The following CGNL1 variants were observed in gnomAD, a reference collection of about 807,000 sequenced individuals.
The protein encoded by CGNL1 is cingulin like 1, also known as cingulin-like protein 1.
A neutral mutation model predicts 141.2 loss-of-function variants in CGNL1; 132 were observed. The observed-to-expected ratio is 0.93, with a 90% CI of 0.81 to 1.08. The LOEUF is 1.08. Among genes scored for constraint, CGNL1 ranks in the 50% least tolerant of loss-of-function variants. The pLI, the probability that CGNL1 is intolerant of heterozygous loss-of-function variation, is 0.00. For missense variants in CGNL1, 1,870 were observed against 1,588.6 expected (o/e 1.18, Z -3.01); for synonymous variants, 690 against 622.1 (o/e 1.11, Z -1.63).
intron 1 of CGNL1, among the ~76,000 whole-genome samples, chr15:57,385,858 G>C (rs141261341): frequency 1.2e-4 from 18 of 152,352 alleles, no homozygotes; most frequent in African/African-American, 3.6e-4. Flanking sequence ...AATATCCTTT[G>C]ATTCAAAGGA....
chr15:57,508,064 G>T (rs2064127967), intron 8 of CGNL1, among the ~76,000 whole-genome samples: 1 of 152,114 alleles, frequency 6.6e-6, no homozygotes, highest in African/African-American at 2.4e-5. Flanking sequence ...TTTTGGCATT[G>T]GAATCAACTC....
intron 5 of CGNL1, 84 bp from the exon 6 acceptor site, chr15:57,452,057 A>G (rs1481007191): frequency 2.5e-6 from 3 of 1,197,200 alleles, no homozygotes; most frequent in Non-Finnish European, 2.3e-6. Context: ...AAAGATATGG[A>G]GTCTGCTTGT....
At chr15:57,489,232 C>A (rs552412331) in intron 8 of CGNL1, among the ~76,000 whole-genome samples, 1 of 152,270 alleles carries the variant, frequency 6.6e-6, no homozygotes, top group East Asian at 1.9e-4. Flanking sequence ...GAAAGAGATA[C>A]TCATTACATA....
chr15:57,453,677 T>C lies in CGNL1; in HGVS notation c.2055-6T>C. On this transcript the variant is annotated splice_region_variant and splice_polypyrimidine_tract_variant and intron_variant, in intron 6 of 18. Coordinates refer to ENST00000281282, the MANE Select transcript of CGNL1 (RefSeq NM_032866.5). ...AGCCTGTCTAATGGGCTTCCTTCCC[T>C]GCCAGGCTATTCCAGGTGAAGATGG... is the stretch of plus-strand genomic sequence containing the variant. 1 of 1,613,558 alleles carries C rather than the reference T, an allele frequency of 6.2e-7. No homozygotes were observed. The highest frequency in any genetic ancestry group is 8.5e-7 in the Non-Finnish European group (1 of 1,179,782).
chr15:57,544,932 G>C (rs1006387921), intron 16 of CGNL1, among the ~76,000 whole-genome samples: 1 of 152,172 alleles, frequency 6.6e-6, no homozygotes, highest in Non-Finnish European at 1.5e-5. Context: ...TACAGAGTTT[G>C]AGCCACGTTA....
intron 1 of CGNL1, among the ~76,000 whole-genome samples, chr15:57,405,781 TC>T (rs2062710584): frequency 3.1e-5 from 1 of 32,708 alleles, no homozygotes; most frequent in Admixed American, 4.0e-4. Flanking sequence ...TCTCTTTCTT[TC>T]TTTCTTTCTT....
At chr15:57,392,406 C>T (rs1470818305) in intron 1 of CGNL1, among the ~76,000 whole-genome samples, 2 of 152,102 alleles carry the variant, frequency 1.3e-5, no homozygotes, top group Non-Finnish European at 1.5e-5. Context: ...GTACCTGGCA[C>T]AGTGTCTTCT....
At chr15:57,401,488 G>C (rs187973445) in intron 1 of CGNL1, among the ~76,000 whole-genome samples, 2 of 152,150 alleles carry the variant, frequency 1.3e-5, no homozygotes, top group African/African-American at 4.8e-5. Flanking sequence ...CCGAGTTCTA[G>C]CATGCCTAAG....
At chr15:57,535,493 G>A (rs1337842319) in intron 14 of CGNL1, among the ~76,000 whole-genome samples, 2 of 152,172 alleles carry the variant, frequency 1.3e-5, no homozygotes, top group African/African-American at 4.8e-5. Context: ...AGGGTAAGAC[G>A]TGAATAAACC....
rs35382198 is a variant in CGNL1 at position 57,548,003 on chromosome 15, CT to C, written c.*528del. On this transcript the variant is annotated 3_prime_UTR_variant, in exon 19 of 19. Transcript: ENST00000281282. ...AGTTCATGCATCTATATTGAGTATTCTTTTTTTTTTTTTTTGAGATGGAGTT... is the reference window on the plus strand; with the variant it reads ...AGTTCATGCATCTATATTGAGTATTCTTTTTTTTTTTTTTGAGATGGAGTT... The C allele has an allele frequency of 2.0e-3, 277 of 138,874 alleles. No individual in the cohort carries two copies. Among genetic ancestry groups the C allele is most frequent in the Admixed American group, 1.7e-3 (24 of 13,884 alleles). The allele number at this position is 138,874 out of a possible 1,614,324, so 8.6% of individuals were successfully genotyped here.
At position 57,524,605 on chromosome 15, in the gene CGNL1, C is replaced by A. The variant is rs757866118; in HGVS notation, c.2893C>A (p.Arg965Ser). The change falls in exon 12 of 19, where the codon CGT becomes AGT. Residue 965 changes from arginine to serine, a missense_variant. Physicochemically the swap from Arg to Ser is moderately radical, Grantham distance 110. Transcript: ENST00000281282. ...KEMADIVEAS[R>S]TSTLELQNQL... The stretch of plus-strand genomic sequence containing the variant: ...GATGGCAGACATTGTTGAGGCCTCC[C>A]GTACCTCAACCCTGGAGCTCCAGAA... The A allele has an allele frequency of 6.2e-7, 1 of 1,613,696 alleles. No individual in the cohort carries two copies. Among genetic ancestry groups the A allele is most frequent in the Non-Finnish European group, 8.5e-7 (1 of 1,179,878 alleles).
Position 57,547,363 on chromosome 15 carries a change from AG to A in CGNL1, c.3783del (p.Lys1261AsnfsTer28). The A allele has an allele frequency of 6.2e-7, 1 of 1,614,188 alleles. No individual in the cohort carries two copies. The highest frequency in any genetic ancestry group is 8.5e-7 in the Non-Finnish European group (1 of 1,180,018). ...CCTTGTCATTTCAGCAGACTGAAGA[AG>A]CTGCCGAGTAAAGTGCTGGATGACA... ...NSMKKDLRLK[K>X]LPSKVLDDMD... On this transcript the variant is annotated frameshift_variant, in exon 19 of 19. Transcript: ENST00000281282. LOFTEE classifies it high-confidence loss of function.
intron 4 of CGNL1, among the ~76,000 whole-genome samples, chr15:57,450,552 C>T (rs1452273834): frequency 3.9e-5 from 6 of 152,210 alleles, no homozygotes; most frequent in African/African-American, 1.4e-4. Context: ...ACTGGGATTA[C>T]TGCATGAGCC....
intron 1 of CGNL1, among the ~76,000 whole-genome samples, chr15:57,382,693 CAG>C (rs1322030586): frequency 7.2e-5 from 11 of 152,172 alleles, no homozygotes; most frequent in Admixed American, 3.9e-4. Context: ...GCATTCAAAA[CAG>C]GCCCTCTGTT....
chr15:57,384,562 C>T (rs1291620542), intron 1 of CGNL1, among the ~76,000 whole-genome samples: 1 of 152,208 alleles, frequency 6.6e-6, no homozygotes, highest in Non-Finnish European at 1.5e-5. Flanking sequence ...TCCTTGAACT[C>T]ACCCACGTAT....
At chr15:57,474,678 AT>A in intron 8 of CGNL1, among the ~76,000 whole-genome samples, 1 of 152,284 alleles carries the variant, frequency 6.6e-6, no homozygotes, top group East Asian at 1.9e-4. Context: ...AAGGGATACT[AT>A]TTGTGTTATA....
At chr15:57,405,693 G>A (rs1236878305) in intron 1 of CGNL1, among the ~76,000 whole-genome samples, 1 of 152,034 alleles carries the variant, frequency 6.6e-6, no homozygotes, top group East Asian at 1.9e-4. Flanking sequence ...CCTTTCCCCA[G>A]GGCTCTAAGA....
intron 7 of CGNL1, among the ~76,000 whole-genome samples, chr15:57,457,280 T>C (rs1338735338): frequency 6.6e-6 from 1 of 152,176 alleles, no homozygotes; most frequent in Non-Finnish European, 1.5e-5. Context: ...AGCAAATACA[T>C]TGCCGTTCTC....
rs2063330023 is a variant in CGNL1 at position 57,452,186 on chromosome 15, C to T, written c.1951C>T (p.Leu651=). Residue 651 remains leucine (L), a synonymous_variant, in exon 6 of 19, where the codon CTA becomes TTA. Transcript: ENST00000281282. ...AGAGAGAGAGAGGATGAGAGCAAACCTAGAAGAGCTCCGAAGCCAACACAA... is the reference window on the plus strand; with the variant it reads ...AGAGAGAGAGAGGATGAGAGCAAACTTAGAAGAGCTCCGAAGCCAACACAA... ...KEERERMRAN[L]EELRSQHNEK... 6.2e-7 allele frequency: 1 copy of T among 1,613,884 alleles called. No individual in the cohort carries two copies. Among genetic ancestry groups the T allele is most frequent in the Middle Eastern group, 1.7e-4 (1 of 6,060 alleles).
Sources: gnomAD v4.1 joint callset for allele counts (sites outside exome capture counted in the v4.1 genomes callset) on GRCh38, gnomAD v4.1.1 for gene constraint, MANE v1.5 for transcripts, NCBI Gene and HGNC (gene_info 2026-07-23, HGNC 2026-07-21) for gene names.